The following PTCH2 variants were observed in gnomAD, a reference collection of about 807,000 sequenced individuals.
The protein encoded by PTCH2 is patched 2, also known as protein patched homolog 2.
Under a neutral mutation model 117.9 loss-of-function variants are expected in PTCH2, and 96 were observed. That is an observed-to-expected ratio of 0.81 (90% confidence interval 0.69 to 0.96). The LOEUF (loss-of-function observed/expected upper bound fraction) is 0.96, where lower values mean the gene tolerates loss of function less well. PTCH2 is among the 50% of genes least tolerant of loss of function. The pLI, the probability that PTCH2 is intolerant of heterozygous loss-of-function variation, is 0.00. For missense variants in PTCH2, 1,379 were observed against 1,562.5 expected, an observed-to-expected ratio of 0.88 and a Z score of 1.98; for synonymous variants, 615 against 660.9, an observed-to-expected ratio of 0.93 and a Z score of 1.06.
intron 2 of PTCH2, among the ~76,000 whole-genome samples, chr1:44,835,850 G>A (rs911249674): frequency 4.6e-5 from 7 of 152,202 alleles, no homozygotes; most frequent in East Asian, 3.8e-4. Context: ...TCCGTGTTTC[G>A]GTACTGCTAA....
In PTCH2 at chr1:44,827,617, C is replaced by T. The variant is rs121434397; in HGVS notation, c.2156G>A (p.Arg719Gln). The T allele has an allele frequency of 1.4e-5, 23 of 1,613,706 alleles. No individual in the cohort carries two copies. The highest frequency in any genetic ancestry group is 8.0e-5 in the African/African-American group (6 of 74,910). The change falls in exon 15 of 22, where the codon CGG becomes CAG. Residue 719 changes from arginine (R) to glutamine (Q), a missense_variant. By Grantham distance (43) the Arg-to-Gln change is conservative. Coordinates refer to ENST00000372192, the MANE Select transcript of PTCH2 (RefSeq NM_003738.5). ...CAGGAAGGCATGCTCCTTGGTGCCC[C>T]GAGGCACCACATCCGTCAGGGCCAG... ...DGLALTDVVP[R>Q]GTKEHAFLSA...
chr1:44,823,221 C>A lies in PTCH2; in HGVS notation c.3257+22G>T, dbSNP rs771297888. The stretch of plus-strand genomic sequence containing the variant: ...CCCAGGCCTGTCCTGAGCCCTGCCT[C>A]CCTGCCCCGAGCCCTCCCTACCTTA... On this transcript the variant is annotated intron_variant, in intron 20 of 21. Coordinates refer to ENST00000372192, the MANE Select transcript of PTCH2 (RefSeq NM_003738.5). The surrounding 1 kb of genome is among the most constrained non-coding windows in gnomAD (Gnocchi z 5.1). The A allele has an allele frequency of 6.2e-7, 1 of 1,614,192 alleles. No individual in the cohort carries two copies. Among genetic ancestry groups the A allele is most frequent in the South Asian group, 1.1e-5 (1 of 91,088 alleles).
intron 21 of PTCH2, 114 bp downstream of exon 21, chr1:44,822,955 C>T: frequency 1.7e-6 from 2 of 1,211,740 alleles, no homozygotes; most frequent in Non-Finnish European, 1.2e-6. Flanking sequence ...CAGCTGGTGG[C>T]ACCTGTTGGG....
chr1:44,840,497 A>T (rs141843056), intron 2 of PTCH2, among the ~76,000 whole-genome samples: 2,063 of 149,744 alleles, frequency 0.014, 21 homozygotes, highest in Middle Eastern at 0.045. Context: ...GATTACTTGA[A>T]GCCAGGAGTT....
Position 44,829,553 on chromosome 1 carries a change from A to G in PTCH2, c.1084-20T>C. On this transcript the variant is annotated intron_variant, in intron 8 of 21. Coordinates refer to ENST00000372192, the MANE Select transcript of PTCH2 (RefSeq NM_003738.5). ...GGCCAGCTGGAGAAACAGGGTGGATAGGAGGGGGCAGGAGGAGGGAATGGC... is the reference window on the plus strand; with the variant it reads ...GGCCAGCTGGAGAAACAGGGTGGATGGGAGGGGGCAGGAGGAGGGAATGGC... 1 of 1,614,082 alleles carries G rather than the reference A, an allele frequency of 6.2e-7. No individual in the cohort carries two copies. Among genetic ancestry groups the G allele is most frequent in the Non-Finnish European group, 8.5e-7 (1 of 1,179,980 alleles).
chr1:44,820,824 C>G (rs1019065622), downstream of PTCH2: 29 of 640,546 alleles, frequency 4.5e-5, no homozygotes, highest in East Asian at 6.2e-4. Flanking sequence ...TGAGCTCTCT[C>G]TGCTCCACCT....
Position 44,832,225 on chromosome 1 carries a change from TGAGGATG to T in PTCH2, c.375_381del (p.Asn125LysfsTer30), listed in dbSNP as rs1557647886. On this transcript the variant is annotated frameshift_variant, in exon 3 of 22. Transcript: ENST00000372192. LOFTEE classifies it high-confidence loss of function. ...AGGTGGAGGCCAAGTGCTTCGGGTG[TGAGGATG>T]TTCTCTCCCTCCTGGCGTGCGGTCT... 1 of 1,614,016 alleles carries T rather than the reference TGAGGATG, an allele frequency of 6.2e-7. No homozygotes were observed. Among genetic ancestry groups the T allele is most frequent in the Admixed American group, 1.7e-5 (1 of 60,002 alleles).
chr1:44,820,496 C>A (rs1381496181), downstream of PTCH2: 1 of 684,544 alleles, frequency 1.5e-6, no homozygotes. Context: ...GACCCCACCC[C>A]TCCTGGAGGA....
At chr1:44,840,511 G>A (rs1053658796) in intron 2 of PTCH2, among the ~76,000 whole-genome samples, 4 of 150,318 alleles carry the variant, frequency 2.7e-5, no homozygotes, top group Admixed American at 6.6e-5. Flanking sequence ...AGGAGTTCGA[G>A]ACCAGCCTGG....
chr1:44,835,854 C>T (rs149196405), intron 2 of PTCH2, among the ~76,000 whole-genome samples: 1 of 152,200 alleles, frequency 6.6e-6, no homozygotes, highest in Non-Finnish European at 1.5e-5. Flanking sequence ...TGTTTCGGTA[C>T]TGCTAAGAGT....
chr1:44,837,943 A>T (rs1481096638), intron 2 of PTCH2, among the ~76,000 whole-genome samples: 1 of 151,972 alleles, frequency 6.6e-6, no homozygotes, highest in Admixed American at 6.6e-5. Flanking sequence ...TTAGCTGGGC[A>T]TGGTGGCGGG....
At chr1:44,834,814 TTC>T (rs571429854) in intron 2 of PTCH2, among the ~76,000 whole-genome samples, 749 of 152,368 alleles carry the variant, frequency 4.9e-3, no homozygotes, top group Admixed American at 8.7e-3. Flanking sequence ...TCATTAGTTA[TTC>T]TCTCTGGGTC....
At chr1:44,830,161 G>A in intron 6 of PTCH2, 131 bp from the exon 7 acceptor site, 2 of 1,262,502 alleles carry the variant, frequency 1.6e-6, no homozygotes, top group Non-Finnish European at 2.2e-6. Context: ...ACTATTCTGA[G>A]CCTCTTGACT....
intron 6 of PTCH2, 77 bp downstream of exon 6, chr1:44,830,770 TC>T (rs1557646864): frequency 7.1e-7 from 1 of 1,412,162 alleles, no homozygotes; most frequent in East Asian, 2.4e-5. Flanking sequence ...AGCAGTCAGC[TC>T]CCCCAGAACA....
intron 2 of PTCH2, among the ~76,000 whole-genome samples, chr1:44,834,094 C>T (rs2148881462): frequency 6.6e-6 from 1 of 151,988 alleles, no homozygotes; most frequent in Middle Eastern, 3.4e-3. Context: ...GTCTTCCTGT[C>T]CTGCTCCCCA....
At chr1:44,837,951 G>A (rs540065199) in intron 2 of PTCH2, among the ~76,000 whole-genome samples, 19 of 151,948 alleles carry the variant, frequency 1.3e-4, no homozygotes, top group Non-Finnish European at 1.9e-4. Flanking sequence ...GCATGGTGGC[G>A]GGTGCCTGTA....
chr1:44,820,140 G>A (rs181872399), downstream of PTCH2: 1 of 347,424 alleles, frequency 2.9e-6, no homozygotes, highest in African/African-American at 2.1e-5. Context: ...CTAAAACAGT[G>A]CAGAAATGCG....
Position 44,842,106 on chromosome 1 carries a change from C to T in PTCH2, c.73-67G>A, listed in dbSNP as rs893180478. ...AATGCATGAAATCCTTCCCTTCTCA[C>T]CCTGTATATCTGCTGCCCAGCCCTC... On this transcript the variant is annotated intron_variant, in intron 1 of 21. Coordinates refer to ENST00000372192, the MANE Select transcript of PTCH2 (RefSeq NM_003738.5). 8 of 1,433,644 alleles carry T rather than the reference C, an allele frequency of 5.6e-6. No individual in the cohort carries two copies. The African/African-American group carries it at 9.9e-5, about 18-fold the overall frequency. 88.8% of individuals were successfully genotyped at this position (1,433,644 alleles called of 1,614,324 possible). A position where few individuals can be genotyped will look rare whatever the true frequency, so the allele number is the denominator to read the frequency against.
intron 2 of PTCH2, among the ~76,000 whole-genome samples, chr1:44,837,388 C>T (rs1292490203): frequency 1.3e-5 from 2 of 152,042 alleles, no homozygotes; most frequent in African/African-American, 4.8e-5. Context: ...GGAGTAGCTG[C>T]GATTACAGGT....
Sources: allele counts gnomAD v4.1 joint callset (sites outside exome capture counted in the v4.1 genomes callset), GRCh38; gene constraint gnomAD v4.1.1; non-coding constraint Gnocchi (gnomAD v3.1); transcripts MANE v1.5; gene names NCBI Gene and HGNC (gene_info 2026-07-23, HGNC 2026-07-21).